DGKB: variants seen among roughly 807,000 people sequenced by gnomAD.
DGKB encodes the protein diacylglycerol kinase beta.
In DGKB, 67 loss-of-function variants were observed where a neutral mutation model predicts 114.3. That is an observed-to-expected ratio of 0.59 (90% CI 0.48 to 0.72). The LOEUF (loss-of-function observed/expected upper bound fraction) is 0.72, where lower values mean the gene tolerates loss of function less well. DGKB is among the 30% of genes least tolerant of loss of function. The pLI, the probability that DGKB is intolerant of heterozygous loss-of-function variation, is 0.00. For synonymous variants in DGKB, 398 were observed against 323.1 expected (o/e 1.23, Z -2.49); for missense variants, 907 against 975.2 (o/e 0.93, Z 0.93).
intron 6 of DGKB, among the ~76,000 whole-genome samples, chr7:14,705,738 TA>T (rs1189534496): frequency 1.3e-5 from 2 of 151,052 alleles, no homozygotes; most frequent in African/African-American, 2.4e-5. Context: ...GAAGGAGAAA[TA>T]AAATACTTTA....
chr7:14,824,405 G>A (rs1194029850), intron 2 of DGKB, among the ~76,000 whole-genome samples: 1 of 152,134 alleles, frequency 6.6e-6, no homozygotes. Context: ...GAACGTGTAA[G>A]GGAGAAAAAG....
chr7:14,893,866 G>A (rs950953955), intron 1 of DGKB, among the ~76,000 whole-genome samples: 1 of 151,164 alleles, frequency 6.6e-6, no homozygotes, highest in Non-Finnish European at 1.5e-5. Flanking sequence ...ACTGCACATA[G>A]CCCATGGTAT....
At chr7:14,714,330 T>G (rs1827848272) in intron 6 of DGKB, among the ~76,000 whole-genome samples, 1 of 152,242 alleles carries the variant, frequency 6.6e-6, no homozygotes, top group African/African-American at 2.4e-5. Flanking sequence ...TTAACCCTTG[T>G]GACTAGGACA....
intron 13 of DGKB, among the ~76,000 whole-genome samples, chr7:14,653,081 G>T (rs1472740169): frequency 6.6e-6 from 1 of 150,954 alleles, no homozygotes; most frequent in Non-Finnish European, 1.5e-5. Flanking sequence ...TTCAACCATT[G>T]TGGAAGTCAG....
chr7:14,244,074 T>C (rs1217533103), intron 23 of DGKB, among the ~76,000 whole-genome samples: 1 of 151,654 alleles, frequency 6.6e-6, no homozygotes, highest in Non-Finnish European at 1.5e-5. Flanking sequence ...AGAGATCAAT[T>C]TACCTTCCAG....
chr7:14,323,760 T>G (rs570963625), intron 23 of DGKB, among the ~76,000 whole-genome samples: 1 of 152,332 alleles, frequency 6.6e-6, no homozygotes, highest in African/African-American at 2.4e-5. Flanking sequence ...TTAGATTGGC[T>G]GACACATATT....
At position 14,759,123 on chromosome 7, in the gene DGKB, C is replaced by G. The variant is rs137862660; in HGVS notation, c.71-1392G>C. ...TAATTTTAGTAGAGACAGGGTTTCA[C>G]CACGTTGGCCAGGCTGGTGTCGAAC... On this transcript the variant is annotated intron_variant, in intron 2 of 25. Coordinates refer to ENST00000402815, the MANE Select transcript of DGKB (RefSeq NM_001350709.2). Among the ~76,000 whole-genome samples the G allele has an allele frequency of 3.3e-3, 498 of 152,260 alleles. 2 individuals are homozygous for G. The highest frequency in any genetic ancestry group is 4.2e-3 in the Non-Finnish European group (288 of 68,012).
chr7:14,671,483 G>T (rs867116655), intron 13 of DGKB, among the ~76,000 whole-genome samples: 29 of 152,142 alleles, frequency 1.9e-4, no homozygotes, highest in Admixed American at 9.2e-4. Flanking sequence ...AAACAGCAAT[G>T]AAAGATTTTT....
chr7:14,823,543 C>A (rs1051052428), intron 2 of DGKB, among the ~76,000 whole-genome samples: 1 of 152,010 alleles, frequency 6.6e-6, no homozygotes, highest in Non-Finnish European at 1.5e-5. Context: ...AAAGAGTTGA[C>A]TATCCATGCT....
chr7:14,757,526 CATAT>C, intron 3 of DGKB, 125 bp downstream of exon 3: 2 of 556,230 alleles, frequency 3.6e-6, no homozygotes, highest in Non-Finnish European at 6.5e-6. Context: ...CTGTATCATA[CATAT>C]ATAATGTATA....
chr7:14,386,581 T>C (rs1331258410), intron 21 of DGKB, among the ~76,000 whole-genome samples: 1 of 152,204 alleles, frequency 6.6e-6, no homozygotes, highest in Non-Finnish European at 1.5e-5. Context: ...GCACAGATTT[T>C]AGTGAAATGC....
At chr7:14,193,162 G>A (rs1389614322) in intron 23 of DGKB, among the ~76,000 whole-genome samples, 1 of 133,356 alleles carries the variant, frequency 7.5e-6, no homozygotes, top group Non-Finnish European at 1.6e-5. Flanking sequence ...AGGGACCCCT[G>A]CTTCAGAGAA....
intron 9 of DGKB, among the ~76,000 whole-genome samples, chr7:14,692,222 C>T (rs1822997327): frequency 6.6e-6 from 1 of 151,934 alleles, no homozygotes; most frequent in Non-Finnish European, 1.5e-5. Flanking sequence ...ATTTAAAATA[C>T]GGGCAACTGA....
At chr7:14,299,742 G>A (rs1272137394) in intron 23 of DGKB, among the ~76,000 whole-genome samples, 1 of 152,088 alleles carries the variant, frequency 6.6e-6, no homozygotes. Context: ...ATCAACTCAT[G>A]AGGAATGCTT....
intron 1 of DGKB, among the ~76,000 whole-genome samples, chr7:14,924,020 C>T (rs958977230): frequency 1.6e-5 from 2 of 128,988 alleles, no homozygotes; most frequent in Non-Finnish European, 3.0e-5. Context: ...GTCCTATTCT[C>T]ACAATAAAGT....
intron 21 of DGKB, among the ~76,000 whole-genome samples, chr7:14,401,986 A>ACACACACC (rs1326619164): frequency 1.6e-5 from 2 of 123,730 alleles, no homozygotes; most frequent in African/African-American, 5.7e-5. Context: ...ACACACACAC[A>ACACACACC]CCCGCTATTC....
intron 2 of DGKB, among the ~76,000 whole-genome samples, chr7:14,788,338 C>G (rs527330114): frequency 1.3e-5 from 2 of 152,328 alleles, no homozygotes; most frequent in Admixed American, 1.3e-4. Context: ...TCCACCAAAG[C>G]CTTGTCTATT....
chr7:14,581,965 T>C (rs1425713653), intron 18 of DGKB, among the ~76,000 whole-genome samples: 2 of 152,224 alleles, frequency 1.3e-5, no homozygotes, highest in South Asian at 2.1e-4. Context: ...CTGTTTCTTT[T>C]TAAATCAAAT....
At chr7:14,382,008 T>G (rs2128683806) in intron 21 of DGKB, among the ~76,000 whole-genome samples, 1 of 152,328 alleles carries the variant, frequency 6.6e-6, no homozygotes, top group South Asian at 2.1e-4. Context: ...GGAGTCTGAG[T>G]TATGCATTTG....
Sources: allele counts gnomAD v4.1 joint callset (sites outside exome capture counted in the v4.1 genomes callset), GRCh38; gene constraint gnomAD v4.1.1; transcripts MANE v1.5; gene names NCBI Gene and HGNC (gene_info 2026-07-23, HGNC 2026-07-21).